SSBP3: variants seen among roughly 807,000 people sequenced by gnomAD.
The protein encoded by SSBP3 is single stranded DNA binding protein 3, also known as single-stranded DNA-binding protein 3.
SSBP3 carries 5 observed loss-of-function variants against 69.6 expected under a neutral mutation model. The observed-to-expected ratio is 0.07, with a 90% CI of 0.04 to 0.15. The LOEUF is 0.15. Ranked by LOEUF, SSBP3 falls within the 10% of genes least tolerant of loss-of-function variation. The probability of loss-of-function intolerance (pLI) is 1.00; values close to 1 mark genes in which losing one functional copy is unlikely to be tolerated. For synonymous variants in SSBP3, 196 were observed against 193.4 expected, an observed-to-expected ratio of 1.01 and a Z score of -0.11; for missense variants, 312 against 534.0, an observed-to-expected ratio of 0.58 and a Z score of 4.10.
chr1:54,385,364 G>C (rs1454496999), intron 4 of SSBP3, among the ~76,000 whole-genome samples: 2 of 152,140 alleles, frequency 1.3e-5, no homozygotes, highest in Non-Finnish European at 2.9e-5. Flanking sequence ...GGAAGAAAAT[G>C]AATCAAGTTT....
chr1:54,265,163 C>T (rs1381501336), intron 5 of SSBP3, among the ~76,000 whole-genome samples: 2 of 152,148 alleles, frequency 1.3e-5, no homozygotes, highest in Non-Finnish European at 2.9e-5. Flanking sequence ...ACCCACAGCC[C>T]CCAAGGAAAG....
intron 4 of SSBP3, among the ~76,000 whole-genome samples, chr1:54,293,290 G>T (rs1645641589): frequency 6.6e-6 from 1 of 152,010 alleles, no homozygotes; most frequent in Non-Finnish European, 1.5e-5. Context: ...CTGCTAAGGG[G>T]GTGGGGCCTG....
rs564358772 is a variant in SSBP3, at chr1:54,274,655, T to C, written c.366+6783A>G. On this transcript the variant is annotated intron_variant, in intron 5 of 17. Coordinates refer to ENST00000610401, the Ensembl canonical transcript of SSBP3. Reference sequence around the variant, plus strand: ...CTCAGTCTCACCCAGCCGCCACTCCTGCTCGGGCCATGGCCACCTCCAGAG... The same window carrying C: ...CTCAGTCTCACCCAGCCGCCACTCCCGCTCGGGCCATGGCCACCTCCAGAG... Among the ~76,000 whole-genome samples the C allele has an allele frequency of 4.6e-5, 7 of 152,254 alleles. No individual in the cohort carries two copies. In the East Asian group the frequency reaches 1.4e-3, roughly 29 times the overall value.
intron 4 of SSBP3, among the ~76,000 whole-genome samples, chr1:54,396,536 T>C (rs1000912262): frequency 1.3e-5 from 2 of 151,950 alleles, no homozygotes; most frequent in East Asian, 1.9e-4. Flanking sequence ...AGGGAAGTCA[T>C]GGGAAGGGGG....
chr1:54,353,016 G>A (rs1646806167), intron 4 of SSBP3, among the ~76,000 whole-genome samples: 1 of 152,186 alleles, frequency 6.6e-6, no homozygotes, highest in Non-Finnish European at 1.5e-5. Flanking sequence ...AGTAGGTGAC[G>A]CGGGGAGGCG....
intron 4 of SSBP3, among the ~76,000 whole-genome samples, chr1:54,293,515 T>C (rs1290470968): frequency 1.3e-5 from 2 of 152,216 alleles, no homozygotes; most frequent in East Asian, 3.9e-4. Context: ...CAGAGAAGAA[T>C]AACCTATTAT....
chr1:54,349,546 A>T (rs529200524), intron 4 of SSBP3, among the ~76,000 whole-genome samples: 1 of 152,264 alleles, frequency 6.6e-6, no homozygotes, highest in African/African-American at 2.4e-5. Flanking sequence ...TGAAGCCAAA[A>T]TCAAAGAGGA....
intron 4 of SSBP3, among the ~76,000 whole-genome samples, chr1:54,312,596 G>C (rs1030955199): frequency 6.6e-6 from 1 of 152,048 alleles, no homozygotes; most frequent in East Asian, 1.9e-4. Flanking sequence ...GAGGACCAGA[G>C]AACATGTCCT....
intron 4 of SSBP3, among the ~76,000 whole-genome samples, chr1:54,295,412 T>A (rs1645687353): frequency 6.6e-6 from 1 of 152,176 alleles, no homozygotes; most frequent in Admixed American, 6.5e-5. Flanking sequence ...CCCAAGTAGG[T>A]TCATGAGCTG....
intron 4 of SSBP3, among the ~76,000 whole-genome samples, chr1:54,372,651 C>T (rs1041346541): frequency 6.6e-6 from 1 of 150,888 alleles, no homozygotes; most frequent in African/African-American, 2.4e-5. Context: ...ATGGTGACCA[C>T]GTGACTGGAA....
intron 4 of SSBP3, among the ~76,000 whole-genome samples, chr1:54,360,493 G>C (rs982819093): frequency 3.3e-5 from 5 of 152,138 alleles, no homozygotes; most frequent in Non-Finnish European, 5.9e-5. Flanking sequence ...AAGGGGCTCA[G>C]GGGTCCCCAG....
intron 3 of SSBP3, among the ~76,000 whole-genome samples, chr1:54,403,437 A>T (rs1649447956): frequency 6.6e-6 from 1 of 152,184 alleles, no homozygotes; most frequent in African/African-American, 2.4e-5. Context: ...AGCCGATCAG[A>T]GCCGCCAACC....
intron 4 of SSBP3, among the ~76,000 whole-genome samples, chr1:54,323,082 G>C (rs1039278519): frequency 5.3e-5 from 8 of 152,142 alleles, no homozygotes; most frequent in Non-Finnish European, 1.0e-4. Context: ...TGAGTTATTT[G>C]GAACTTCCTG....
intron 4 of SSBP3, among the ~76,000 whole-genome samples, chr1:54,314,557 T>C (rs1431209082): frequency 6.6e-6 from 1 of 152,188 alleles, no homozygotes; most frequent in Non-Finnish European, 1.5e-5. Context: ...TTTAAAAAGA[T>C]TTGTGAAATA....
At chr1:54,372,824 G>C (rs915235001) in intron 4 of SSBP3, among the ~76,000 whole-genome samples, 2 of 152,222 alleles carry the variant, frequency 1.3e-5, no homozygotes, top group East Asian at 1.9e-4. Context: ...CCAGGGGCCA[G>C]GCAATTAACC....
intron 4 of SSBP3, among the ~76,000 whole-genome samples, chr1:54,312,843 C>A (rs1239450641): frequency 4.6e-5 from 7 of 152,156 alleles, no homozygotes; most frequent in African/African-American, 1.7e-4. Context: ...CCCCTCTGAG[C>A]TCCCCCTCCA....
intron 4 of SSBP3, among the ~76,000 whole-genome samples, chr1:54,307,028 G>T (rs1040070528): frequency 6.6e-6 from 1 of 152,032 alleles, no homozygotes; most frequent in South Asian, 2.1e-4. Context: ...GCTGTTCCCT[G>T]CCCACAGCCT....
upstream of SSBP3, among the ~76,000 whole-genome samples, chr1:54,409,671 T>C (rs936173398): frequency 1.3e-5 from 2 of 152,216 alleles, no homozygotes; most frequent in African/African-American, 4.8e-5. Context: ...GTTTCCAGAA[T>C]GGCTATGCCA....
chr1:54,228,106 TCTG>T, intron 17 of SSBP3, 146 bp downstream of exon 17: 1 of 774,024 alleles, frequency 1.3e-6, no homozygotes, highest in South Asian at 1.6e-5. Flanking sequence ...GCTGCACACT[TCTG>T]CTAAAAAAAT....
Sources: allele counts gnomAD v4.1 joint callset (sites outside exome capture counted in the v4.1 genomes callset), GRCh38; gene constraint gnomAD v4.1.1; transcripts MANE v1.5; gene names NCBI Gene and HGNC (gene_info 2026-07-23, HGNC 2026-07-21).